Variants in ZNF558 observed in about 807,000 individuals in gnomAD.
ZNF558 encodes zinc finger protein 558.
In ZNF558, 23 loss-of-function variants were observed where a neutral mutation model predicts 37.6. That is an observed-to-expected ratio of 0.61 (90% CI 0.44 to 0.87). The LOEUF (loss-of-function observed/expected upper bound fraction) is 0.87, where lower values mean the gene tolerates loss of function less well. ZNF558 is among the 40% of genes least tolerant of loss of function. ZNF558 has a pLI of 0.00. For missense variants in ZNF558, 429 were observed against 483.7 expected, an observed-to-expected ratio of 0.89 and a Z score of 1.06; for synonymous variants, 189 against 174.4, an observed-to-expected ratio of 1.08 and a Z score of -0.66.
intron 9 of ZNF558, 139 bp from the exon 10 acceptor site, chr19:8,812,202 T>C: frequency 1.2e-6 from 1 of 821,810 alleles, no homozygotes. Context: ...TTGTATGTGA[T>C]TTCTGCCCAG....
upstream of ZNF558, among the ~76,000 whole-genome samples, chr19:8,833,871 C>G (rs2044420353): frequency 6.6e-6 from 1 of 152,056 alleles, no homozygotes; most frequent in Non-Finnish European, 1.5e-5. Context: ...CCTTGTAATC[C>G]CAGGTACTTG....
Position 8,810,889 on chromosome 19 carries a change from A to G in ZNF558, c.*392T>C, listed in dbSNP as rs935798576. 8 of 166,734 alleles carry G rather than the reference A, an allele frequency of 4.8e-5. No homozygotes were observed. The South Asian group carries it at 4.9e-4, about 10-fold the overall frequency. 10.3% of individuals were successfully genotyped at this position (166,734 alleles called of 1,614,324 possible). A position where few individuals can be genotyped will look rare whatever the true frequency, so the allele number is the denominator to read the frequency against. The stretch of plus-strand genomic sequence containing the variant: ...GCGAGAACTTATTGCCAAATTGTCA[A>G]GGAGCTGGGCCTTGTAAAGAGGCCT... On this transcript the variant is annotated 3_prime_UTR_variant, in exon 10 of 10. Transcript: ENST00000601372.
chr19:8,813,988 G>A (rs971398944), intron 7 of ZNF558, among the ~76,000 whole-genome samples: 19 of 152,344 alleles, frequency 1.2e-4, no homozygotes, highest in African/African-American at 4.6e-4. Flanking sequence ...AAGAAGTGAT[G>A]ACAGTGACAG....
At position 8,811,256 on chromosome 19, in the gene ZNF558, T is replaced by C. The variant is rs375943451; in HGVS notation, c.*25A>G. The C allele has an allele frequency of 4.9e-5, 75 of 1,532,650 alleles. No homozygotes were observed. The Middle Eastern group carries it at 2.0e-3, about 41-fold the overall frequency. 94.9% of individuals were successfully genotyped at this position (1,532,650 alleles called of 1,614,324 possible). A position where few individuals can be genotyped will look rare whatever the true frequency, so the allele number is the denominator to read the frequency against. On this transcript the variant is annotated 3_prime_UTR_variant, in exon 10 of 10. Transcript: ENST00000601372. ...TAGGGATGAAAGATCAATGAGTGCT[T>C]TCCTCCAGAAGTTCCTGCAGTAATT...
chr19:8,812,475 T>C, intron 9 of ZNF558, 86 bp downstream of exon 9: 1 of 826,072 alleles, frequency 1.2e-6, no homozygotes, highest in Non-Finnish European at 1.8e-6. Flanking sequence ...TTTCCTTTAA[T>C]GCCTCTCCTG....
chr19:8,809,149 C>T lies in ZNF558; in HGVS notation c.*2132G>A, dbSNP rs2043729298. 1 of 152,318 alleles carries T rather than the reference C, an allele frequency of 6.6e-6. No individual in the cohort carries two copies. Among genetic ancestry groups the T allele is most frequent in the African/African-American group, 2.4e-5 (1 of 41,566 alleles). The allele number at this position is 152,318 out of a possible 1,614,324, so 9.4% of individuals were successfully genotyped here. On this transcript the variant is annotated 3_prime_UTR_variant, in exon 10 of 10. Coordinates refer to ENST00000601372, the MANE Select transcript of ZNF558 (RefSeq NM_144693.3). ...CAGAGCAGATGCAGCCAATCGGAGGCTCCTGGAGAGCCCAAAGCATTGTGA... is the reference window on the plus strand; with the variant it reads ...CAGAGCAGATGCAGCCAATCGGAGGTTCCTGGAGAGCCCAAAGCATTGTGA...
intron 7 of ZNF558, among the ~76,000 whole-genome samples, chr19:8,813,702 C>A (rs1320581592): frequency 3.3e-5 from 5 of 152,164 alleles, no homozygotes; most frequent in Admixed American, 3.3e-4. Flanking sequence ...GTAACTCTCA[C>A]TGAACAAAAA....
rs1191683755 is a variant in ZNF558 at position 8,822,966 on chromosome 19, T to C, written c.-65-242A>G. ...ACCCACCCGCTTTGAGAACCTCGGC[T>C]TCACGCAGTCTCACGGCATGTTCTT... On this transcript the variant is annotated intron_variant, in intron 4 of 9. Transcript: ENST00000601372. This position sits in a 1 kb window ranked among gnomAD's most constrained non-coding sequence, Gnocchi z 4.4. 2.4e-6 allele frequency: 1 copy of C among 425,492 alleles called. No individual in the cohort carries two copies. Among genetic ancestry groups the C allele is most frequent in the Non-Finnish European group, 4.4e-6 (1 of 228,052 alleles). The allele number at this position is 425,492 out of a possible 1,614,324, so 26.4% of individuals were successfully genotyped here. A position where few individuals can be genotyped will look rare whatever the true frequency, so the allele number is the denominator to read the frequency against.
At chr19:8,823,376 A>AGCCCCCCTCCTGCCTCGGTC (rs2044145920) in intron 4 of ZNF558, among the ~76,000 whole-genome samples, 1 of 27,394 alleles carries the variant, frequency 3.7e-5, no homozygotes, top group African/African-American at 1.6e-4. Flanking sequence ...TGCCTCAGTC[A>AGCCCCCCTCCTGCCTCGGTC]ACCCCTCTCC....
At chr19:8,818,410 C>T (rs553585232) in intron 7 of ZNF558, among the ~76,000 whole-genome samples, 1 of 152,220 alleles carries the variant, frequency 6.6e-6, no homozygotes, top group South Asian at 2.1e-4. Context: ...CGAGATCGCA[C>T]CACTGCACTC....
In ZNF558 at chr19:8,821,949, T is replaced by C. The variant is rs2044102767; in HGVS notation, c.120+54A>G. ...CTCCAGGCTGCTGGAAGGTATCAAG[T>C]CCAACCTTCTGGCCAAAGGAATAAT... is the stretch of plus-strand genomic sequence containing the variant. On this transcript the variant is annotated intron_variant, in intron 6 of 9. Transcript: ENST00000601372. 4 of 1,608,196 alleles carry C rather than the reference T, an allele frequency of 2.5e-6. No homozygotes were observed. In the South Asian group the frequency reaches 4.4e-5, roughly 18 times the overall value.
intron 2 of ZNF558, among the ~76,000 whole-genome samples, chr19:8,825,729 C>T (rs956582408): frequency 7.2e-5 from 11 of 152,114 alleles, no homozygotes; most frequent in Middle Eastern, 3.4e-3. Context: ...AGGGTGAGTT[C>T]GGGTTCCGTC....
At chr19:8,833,940 A>G (rs558232315), upstream of ZNF558, among the ~76,000 whole-genome samples, 3 of 152,214 alleles carry the variant, frequency 2.0e-5, no homozygotes, top group Admixed American at 2.0e-4. Flanking sequence ...GTGAGCCGAG[A>G]TTGCAGCCGG....
upstream of ZNF558, among the ~76,000 whole-genome samples, chr19:8,832,895 G>T (rs372032653): frequency 7.9e-5 from 12 of 151,976 alleles, no homozygotes; most frequent in African/African-American, 2.9e-4. Flanking sequence ...GGAGGGCGGG[G>T]ACTAGGCTGT....
chr19:8,812,442 G>C, intron 9 of ZNF558, 119 bp downstream of exon 9: 4 of 608,208 alleles, frequency 6.6e-6, no homozygotes, highest in African/African-American at 1.9e-5. Flanking sequence ...CAGGAACACA[G>C]CATTCTCAAT....
In ZNF558 at chr19:8,806,860, A is replaced by G. The variant is rs2043708154; in HGVS notation, c.*4421T>C. ...TGTCATTCATTGTCTTCTTGCTTCC[A>G]TAGTTTCTTTTGAAAAGTCATCATT... is the stretch of plus-strand genomic sequence containing the variant. On this transcript the variant is annotated 3_prime_UTR_variant, in exon 10 of 10. Coordinates refer to ENST00000601372, the MANE Select transcript of ZNF558 (RefSeq NM_144693.3). 1 of 152,106 alleles carries G rather than the reference A, an allele frequency of 6.6e-6. No homozygotes were observed. Among genetic ancestry groups the G allele is most frequent in the Non-Finnish European group, 1.5e-5 (1 of 68,024 alleles). The allele number at this position is 152,106 out of a possible 1,614,324, so 9.4% of individuals were successfully genotyped here.
At chr19:8,834,381 A>C (rs1413798119), upstream of ZNF558, among the ~76,000 whole-genome samples, 1 of 152,192 alleles carries the variant, frequency 6.6e-6, no homozygotes, top group Non-Finnish European at 1.5e-5. Flanking sequence ...AGGCTGAGGC[A>C]GGCAGATCAC....
Position 8,811,313 on chromosome 19 carries a change from C to T in ZNF558, c.1177G>A (p.Val393Met). Residue 393 changes from valine (V) to methionine (M), a missense_variant, in exon 10 of 10, where the codon GTG becomes ATG. Coordinates refer to ENST00000601372, the MANE Select transcript of ZNF558 (RefSeq NM_144693.3). The stretch of plus-strand genomic sequence containing the variant: ...CATCTATTATGTATTCTCTTGTGCA[C>T]AGAAAGATAGGAGTTACTTGTGAAG... Reference protein sequence around the residue: ...KSFTSNSYLSVHKRIHNRWI With the variant: ...KSFTSNSYLSMHKRIHNRWI 6.2e-7 allele frequency: 1 copy of T among 1,600,212 alleles called. No individual in the cohort carries two copies. Among genetic ancestry groups the T allele is most frequent in the Non-Finnish European group, 8.5e-7 (1 of 1,173,946 alleles).
Position 8,809,366 on chromosome 19 carries a change from C to T in ZNF558, c.*1915G>A, listed in dbSNP as rs1299966215. On this transcript the variant is annotated 3_prime_UTR_variant, in exon 10 of 10. Coordinates refer to ENST00000601372, the MANE Select transcript of ZNF558 (RefSeq NM_144693.3). ...TGCCAGGGGAGTGCGAAAAAACCCG[C>T]CTGGGCTTCAGGAAAAACTATAAGA... 6.6e-6 allele frequency: 1 copy of T among 152,166 alleles called. No individual in the cohort carries two copies. Among genetic ancestry groups the T allele is most frequent in the Non-Finnish European group, 1.5e-5 (1 of 68,032 alleles). The allele number at this position is 152,166 out of a possible 1,614,324, so 9.4% of individuals were successfully genotyped here.
Sources: allele counts gnomAD v4.1 joint callset (sites outside exome capture counted in the v4.1 genomes callset), GRCh38; gene constraint gnomAD v4.1.1; non-coding constraint Gnocchi (gnomAD v3.1); transcripts MANE v1.5; gene names NCBI Gene and HGNC (gene_info 2026-07-23, HGNC 2026-07-21).